Variants in TBC1D4 observed in about 807,000 individuals in gnomAD.
The protein encoded by TBC1D4 is TBC1 domain family member 4, also known as TBC (Tre-2, BUB2, CDC16) domain-containing protein.
TBC1D4 carries 121 observed loss-of-function variants against 142.5 expected under a neutral mutation model. That is an observed-to-expected ratio of 0.85 (90% confidence interval 0.73 to 0.99). TBC1D4 has a LOEUF of 0.99. Ranked by LOEUF, TBC1D4 falls within the 50% of genes least tolerant of loss-of-function variation. The pLI is 0.00. For synonymous variants in TBC1D4, 630 were observed against 628.2 expected (o/e 1.00, Z -0.04); for missense variants, 1,475 against 1,606.6 (o/e 0.92, Z 1.40).
intron 1 of TBC1D4, among the ~76,000 whole-genome samples, chr13:75,411,016 T>C (rs966212890): frequency 2.0e-5 from 3 of 150,612 alleles, no homozygotes; most frequent in Non-Finnish European, 2.9e-5. Flanking sequence ...TGTAAGACAT[T>C]TCACATAGAC....
In TBC1D4 at chr13:75,481,699, TG is replaced by T; in HGVS notation, c.68del (p.Ser23Ter). 1 of 1,597,158 alleles carries T rather than the reference TG, an allele frequency of 6.3e-7. No individual in the cohort carries two copies. The highest frequency in any genetic ancestry group is 8.5e-7 in the Non-Finnish European group (1 of 1,173,940). On this transcript the variant is annotated frameshift_variant, in exon 1 of 21. Transcript: ENST00000377636. LOFTEE classifies it high-confidence loss of function. ...TTGGCTTCCCGGGGCCGGGCTGAGC[TG>T]AGACGCCCGGCTCGGGCTCCAGGGG... ...PHPLEPEPGV[S>X]AQPGPGKPSD...
chr13:75,415,221 C>T (rs1885866978), intron 1 of TBC1D4, among the ~76,000 whole-genome samples: 1 of 151,454 alleles, frequency 6.6e-6, no homozygotes. Flanking sequence ...ATACTTAAGA[C>T]TTTAAAAGAA....
chr13:75,405,712 T>A (rs952751612), intron 1 of TBC1D4, among the ~76,000 whole-genome samples: 2 of 152,130 alleles, frequency 1.3e-5, no homozygotes, highest in Admixed American at 6.5e-5. Flanking sequence ...TCATCTTTTA[T>A]TACCAAAAAA....
At chr13:75,442,692 T>G (rs936523272) in intron 1 of TBC1D4, among the ~76,000 whole-genome samples, 17 of 150,260 alleles carry the variant, frequency 1.1e-4, no homozygotes, top group Non-Finnish European at 3.0e-5. Context: ...GGCAGGAGAA[T>G]CACTTGAACC....
rs947020170 is a variant in TBC1D4 at position 75,481,370 on chromosome 13, C to T, written c.398G>A (p.Ser133Asn). 4 of 1,613,942 alleles carry T rather than the reference C, an allele frequency of 2.5e-6. No homozygotes were observed. The highest frequency in any genetic ancestry group is 3.4e-6 in the Non-Finnish European group (4 of 1,179,854). Reference protein sequence around the residue: ...AQHISRFIHNSHDLTYFAYLI... With the variant: ...AQHISRFIHNNHDLTYFAYLI... ...GTAGGCAAAGTAGGTGAGGTCGTGG[C>T]TGTTGTGGATGAAGCGCGAGATATG... Residue 133 changes from serine to asparagine, a missense_variant, in exon 1 of 21, where the codon AGC (serine) becomes AAC (asparagine). Transcript: ENST00000377636.
intron 1 of TBC1D4, among the ~76,000 whole-genome samples, chr13:75,448,831 C>G (rs191851605): frequency 3.6e-4 from 55 of 151,996 alleles, no homozygotes; most frequent in African/African-American, 1.2e-3. Flanking sequence ...TAATATACTT[C>G]CCCAGGTCAT....
chr13:75,412,688 A>G (rs1448090341), intron 1 of TBC1D4, among the ~76,000 whole-genome samples: 1 of 152,234 alleles, frequency 6.6e-6, no homozygotes, highest in African/African-American at 2.4e-5. Flanking sequence ...ACAAACAAAA[A>G]GGAAATGAAG....
intron 4 of TBC1D4, among the ~76,000 whole-genome samples, chr13:75,353,439 C>T (rs1881781559): frequency 6.6e-6 from 1 of 152,132 alleles, no homozygotes; most frequent in Non-Finnish European, 1.5e-5. Context: ...ACCTGCTATC[C>T]TAGAACCTCC....
intron 1 of TBC1D4, among the ~76,000 whole-genome samples, chr13:75,411,594 C>T (rs1348992273): frequency 1.3e-5 from 2 of 151,674 alleles, no homozygotes; most frequent in African/African-American, 4.8e-5. Flanking sequence ...GGTGTGATCT[C>T]GGCTCACTGC....
At chr13:75,369,497 T>TCACA (rs67470405) in intron 1 of TBC1D4, among the ~76,000 whole-genome samples, 56,779 of 150,328 alleles carry the variant, frequency 0.38, 11,722 homozygotes, top group South Asian at 0.61. Context: ...AGACCCTGTC[T>TCACA]CACACACACA....
At chr13:75,354,427 A>G (rs1881871003) in intron 4 of TBC1D4, among the ~76,000 whole-genome samples, 1 of 152,200 alleles carries the variant, frequency 6.6e-6, no homozygotes, top group Non-Finnish European at 1.5e-5. Flanking sequence ...AGCAAAGAGG[A>G]AATGGGGGAG....
intron 17 of TBC1D4, among the ~76,000 whole-genome samples, chr13:75,298,864 G>A (rs962211057): frequency 6.6e-5 from 10 of 152,142 alleles, no homozygotes; most frequent in Non-Finnish European, 1.3e-4. Flanking sequence ...AAGGAGGGGA[G>A]ATATCAATGA....
intron 1 of TBC1D4, among the ~76,000 whole-genome samples, chr13:75,394,516 T>C (rs1884674766): frequency 6.6e-6 from 1 of 152,250 alleles, no homozygotes; most frequent in Non-Finnish European, 1.5e-5. Context: ...GTATAATTTT[T>C]GTTTAATTTT....
At chr13:75,292,406 T>C in intron 18 of TBC1D4, 135 bp from the exon 19 acceptor site, 1 of 681,086 alleles carries the variant, frequency 1.5e-6, no homozygotes, top group Non-Finnish European at 2.4e-6. Context: ...AGCATCTAGC[T>C]TTTTTTTAAA....
intron 1 of TBC1D4, among the ~76,000 whole-genome samples, chr13:75,431,620 T>A (rs1363028817): frequency 6.6e-6 from 1 of 152,212 alleles, no homozygotes; most frequent in Non-Finnish European, 1.5e-5. Context: ...CAGAGTTAGG[T>A]AACAACTGTA....
Position 75,310,026 on chromosome 13 carries a change from T to C in TBC1D4, c.2509A>G (p.Lys837Glu), listed in dbSNP as rs561161105. The change falls in exon 14 of 21, where the codon AAA becomes GAA. Residue 837 changes from lysine (K) to glutamate (E), a missense_variant. Lys to Glu is a moderately conservative substitution (Grantham distance 56). This residue lies in a region of TBC1D4 where 1,227 missense variants were observed against 1,267.7 expected (regional missense o/e 0.97). Coordinates refer to ENST00000377636, the MANE Select transcript of TBC1D4 (RefSeq NM_014832.5). ...TTTCTCCACAAGCTCCTCAGTTCTT[T>C]TGATTTCTTTCTTTCTTCAATCTTT... ...PEKIEERKKS[K>E]ELRSLWRKAI... is the part of the protein sequence containing the mutation. The C allele has an allele frequency of 1.8e-5, 29 of 1,614,196 alleles. No homozygotes were observed. In the African/African-American group the frequency reaches 2.9e-4, roughly 16 times the overall value.
intron 1 of TBC1D4, among the ~76,000 whole-genome samples, chr13:75,402,654 A>ACACACACAC (rs1885150359): frequency 1.4e-5 from 2 of 142,364 alleles, no homozygotes; most frequent in South Asian, 2.4e-4. Flanking sequence ...ATCCCTAGTA[A>ACACACACAC]ACACACACAC....
chr13:75,481,441 G>A lies in TBC1D4; in HGVS notation c.327C>T (p.Ala109=). The change falls in exon 1 of 21, where the codon GCC becomes GCT. Residue 109 remains alanine, a synonymous_variant. Coordinates refer to ENST00000377636, the MANE Select transcript of TBC1D4 (RefSeq NM_014832.5). ...TGAATACCGCCGGGTTGGGCTGCGTGGCCGACGGACTAGTGCCCCCCGAGG... is the reference window on the plus strand; with the variant it reads ...TGAATACCGCCGGGTTGGGCTGCGTAGCCGACGGACTAGTGCCCCCCGAGG... The part of the protein sequence containing the change: ...AGASGGTSPS[A]TQPNPAVFIF... 1.9e-6 allele frequency: 3 copies of A among 1,613,822 alleles called. No homozygotes were observed. Among genetic ancestry groups the A allele is most frequent in the Non-Finnish European group, 2.5e-6 (3 of 1,179,792 alleles).
chr13:75,314,916 G>C (rs1460508152), intron 12 of TBC1D4, among the ~76,000 whole-genome samples: 1 of 152,126 alleles, frequency 6.6e-6, no homozygotes, highest in East Asian at 1.9e-4. Context: ...GGAGGCAGAG[G>C]TTGCAGTGAG....
Sources: gnomAD v4.1 joint callset for allele counts (sites outside exome capture counted in the v4.1 genomes callset) on GRCh38, gnomAD v4.1.1 for gene constraint, gnomAD v4.1.1 regional missense constraint, MANE v1.5 for transcripts, NCBI Gene and HGNC (gene_info 2026-07-23, HGNC 2026-07-21) for gene names.